The following DPYD variants were observed in gnomAD, a reference collection of about 807,000 sequenced individuals.
The protein encoded by DPYD is dihydropyrimidine dehydrogenase [NADP(+)].
A neutral mutation model predicts 116.2 loss-of-function variants in DPYD; 109 were observed. The observed-to-expected ratio is 0.94, with a 90% CI of 0.80 to 1.10. The LOEUF is 1.10. Among genes scored for constraint, DPYD ranks in the 50% least tolerant of loss-of-function variants. DPYD has a pLI of 0.00. For missense variants in DPYD, 1,302 were observed against 1,254.5 expected, an observed-to-expected ratio of 1.04 and a Z score of -0.57; for synonymous variants, 440 against 432.0, an observed-to-expected ratio of 1.02 and a Z score of -0.23.
chr1:97,206,220 C>T (rs1659590941), intron 19 of DPYD, among the ~76,000 whole-genome samples: 1 of 151,810 alleles, frequency 6.6e-6, no homozygotes, highest in African/African-American at 2.4e-5. Flanking sequence ...AATCCATATC[C>T]TTTAAGGGTG....
chr1:97,436,635 T>G (rs1675488658), intron 14 of DPYD, among the ~76,000 whole-genome samples: 1 of 152,006 alleles, frequency 6.6e-6, no homozygotes, highest in Non-Finnish European at 1.5e-5. Context: ...TTAAAAGGTT[T>G]GATGGATTTT....
chr1:97,118,604 A>G (rs888487241), intron 20 of DPYD, among the ~76,000 whole-genome samples: 1 of 152,144 alleles, frequency 6.6e-6, no homozygotes, highest in Non-Finnish European at 1.5e-5. Flanking sequence ...CCCATTGAAG[A>G]GTACTGAACG....
chr1:97,826,406 C>T (rs1669248856), intron 3 of DPYD, among the ~76,000 whole-genome samples: 1 of 69,872 alleles, frequency 1.4e-5, no homozygotes, highest in Non-Finnish European at 3.3e-5. Context: ...TTCACATTGC[C>T]TCTTTTCAGT....
intron 18 of DPYD, among the ~76,000 whole-genome samples, chr1:97,282,850 G>C (rs1293936315): frequency 2.0e-5 from 3 of 152,032 alleles, no homozygotes; most frequent in African/African-American, 7.2e-5. Context: ...ATTTGCTTAG[G>C]ATAATGGCCT....
chr1:97,371,240 A>G (rs1482269968), intron 16 of DPYD, among the ~76,000 whole-genome samples: 3 of 152,200 alleles, frequency 2.0e-5, no homozygotes, highest in Non-Finnish European at 4.4e-5. Context: ...ACTGAACAAG[A>G]AAGTGTCTCT....
intron 1 of DPYD, among the ~76,000 whole-genome samples, chr1:97,902,957 A>G (rs1427392749): frequency 6.6e-6 from 1 of 151,866 alleles, no homozygotes; most frequent in Non-Finnish European, 1.5e-5. Context: ...CCTTCCTAAC[A>G]CTTAGACTTA....
chr1:97,215,422 G>A (rs982132013), intron 19 of DPYD, among the ~76,000 whole-genome samples: 3 of 152,150 alleles, frequency 2.0e-5, no homozygotes, highest in African/African-American at 4.8e-5. Context: ...GGTCATCTGA[G>A]TCCTTGCCAT....
chr1:97,180,888 G>A (rs1201081860), intron 20 of DPYD, among the ~76,000 whole-genome samples: 1 of 152,102 alleles, frequency 6.6e-6, no homozygotes, highest in African/African-American at 2.4e-5. Context: ...AGGAACTTAT[G>A]GGAGAATGAC....
At chr1:97,613,200 A>T (rs946778523) in intron 8 of DPYD, among the ~76,000 whole-genome samples, 2 of 151,858 alleles carry the variant, frequency 1.3e-5, no homozygotes, top group African/African-American at 4.8e-5. Flanking sequence ...AGTTATCTAA[A>T]TTTGTTTAAA....
In DPYD at chr1:97,788,477, C is replaced by T. The variant is rs150223964; in HGVS notation, c.233+39637G>A. On this transcript the variant is annotated intron_variant, in intron 3 of 22. Coordinates refer to ENST00000370192, the MANE Select transcript of DPYD (RefSeq NM_000110.4). ...ACCATCTTGGTCCTGCCAGCATCAG[C>T]GGCGCTCCCACATCACTGAAATAGT... is the stretch of plus-strand genomic sequence containing the variant. 6.0e-4 allele frequency among the ~76,000 whole-genome samples: 92 copies of T among 152,324 alleles called. 1 individual carries two copies. Among genetic ancestry groups the T allele is most frequent in the African/African-American group, 1.9e-3 (80 of 41,576 alleles).
chr1:97,800,666 T>C (rs763698202), intron 3 of DPYD, among the ~76,000 whole-genome samples: 6 of 151,908 alleles, frequency 3.9e-5, no homozygotes, highest in African/African-American at 1.2e-4. Flanking sequence ...CACTCCCAAA[T>C]AGTGCTGCCA....
At chr1:97,870,241 C>T (rs528828789) in intron 2 of DPYD, among the ~76,000 whole-genome samples, 1 of 151,808 alleles carries the variant, frequency 6.6e-6, no homozygotes, top group Non-Finnish European at 1.5e-5. Context: ...TTCTGTCTCA[C>T]TAATGACTAC....
intron 19 of DPYD, among the ~76,000 whole-genome samples, chr1:97,206,163 C>T (rs1659579691): frequency 6.6e-6 from 1 of 151,132 alleles, no homozygotes; most frequent in South Asian, 2.1e-4. Flanking sequence ...GTCTTTCAGC[C>T]TAAAAAAAAA....
At chr1:97,834,342 C>G in intron 2 of DPYD, among the ~76,000 whole-genome samples, 1 of 151,602 alleles carries the variant, frequency 6.6e-6, no homozygotes, top group African/African-American at 2.4e-5. Context: ...CATTGAGACA[C>G]CAAGGTTTAA....
chr1:97,736,867 T>A (rs1376384152), intron 4 of DPYD, among the ~76,000 whole-genome samples: 1 of 151,448 alleles, frequency 6.6e-6, no homozygotes, highest in Non-Finnish European at 1.5e-5. Context: ...TGTGTGTGTG[T>A]GTGTGTGTGT....
At chr1:97,177,261 G>T (rs1433383061) in intron 20 of DPYD, among the ~76,000 whole-genome samples, 1 of 152,072 alleles carries the variant, frequency 6.6e-6, no homozygotes, top group Non-Finnish European at 1.5e-5. Context: ...AGAAATATGA[G>T]AAAAATGTGT....
intron 5 of DPYD, among the ~76,000 whole-genome samples, chr1:97,721,276 A>C (rs1662909243): frequency 6.6e-6 from 1 of 151,684 alleles, no homozygotes; most frequent in Admixed American, 6.6e-5. Flanking sequence ...AATTTCAGTC[A>C]AAGTATTTTA....
At chr1:97,379,712 G>T (rs1671834331) in intron 15 of DPYD, among the ~76,000 whole-genome samples, 1 of 152,304 alleles carries the variant, frequency 6.6e-6, no homozygotes, top group East Asian at 1.9e-4. Context: ...TTCCCTAGCA[G>T]CTGCCCTGAA....
chr1:97,426,097 T>C (rs1018186909), intron 14 of DPYD, among the ~76,000 whole-genome samples: 2 of 151,984 alleles, frequency 1.3e-5, no homozygotes, highest in African/African-American at 2.4e-5. Context: ...TCATTAAATA[T>C]AGGCTGGAAA....
Sources: gnomAD v4.1 joint callset for allele counts (sites outside exome capture counted in the v4.1 genomes callset) on GRCh38, gnomAD v4.1.1 for gene constraint, MANE v1.5 for transcripts, NCBI Gene and HGNC (gene_info 2026-07-23, HGNC 2026-07-21) for gene names.